The following LPP variants were observed in gnomAD, a reference collection of about 807,000 sequenced individuals.
The protein encoded by LPP is lipoma-preferred partner.
In LPP, 38 loss-of-function variants were observed where a neutral mutation model predicts 60.4. The observed-to-expected ratio is 0.63, with a 90% CI of 0.49 to 0.83. The LOEUF is 0.83. LPP is among the 40% of genes least tolerant of loss of function. The pLI, the probability that LPP is intolerant of heterozygous loss-of-function variation, is 0.00. For synonymous variants in LPP, 328 were observed against 290.8 expected, an observed-to-expected ratio of 1.13 and a Z score of -1.30; for missense variants, 902 against 783.6, an observed-to-expected ratio of 1.15 and a Z score of -1.80.
intron 5 of LPP, among the ~76,000 whole-genome samples, chr3:188,503,200 C>T (rs1484511341): frequency 2.0e-5 from 3 of 151,986 alleles, no homozygotes; most frequent in Non-Finnish European, 4.4e-5. Flanking sequence ...CGTTATAACA[C>T]TCTAATTTGA....
At chr3:188,769,674 G>A (rs1034821739) in intron 9 of LPP, among the ~76,000 whole-genome samples, 6 of 152,120 alleles carry the variant, frequency 3.9e-5, no homozygotes, top group Non-Finnish European at 7.4e-5. Flanking sequence ...ATTTATTAAC[G>A]GCAGAGGTGG....
chr3:188,670,715 A>C (rs903788566), intron 7 of LPP, among the ~76,000 whole-genome samples: 3 of 152,204 alleles, frequency 2.0e-5, no homozygotes, highest in African/African-American at 7.2e-5. Flanking sequence ...CTTTGACCAC[A>C]GGCACATTTG....
intron 9 of LPP, among the ~76,000 whole-genome samples, chr3:188,815,391 A>G (rs1398437634): frequency 1.3e-5 from 2 of 152,200 alleles, no homozygotes; most frequent in Non-Finnish European, 2.9e-5. Flanking sequence ...CAAGGACTGT[A>G]GAGCCAGTTA....
intron 9 of LPP, among the ~76,000 whole-genome samples, chr3:188,791,518 G>T (rs958676864): frequency 6.6e-6 from 1 of 151,834 alleles, no homozygotes; most frequent in African/African-American, 2.4e-5. Context: ...GCAATTAAGT[G>T]ACTGAGATGA....
intron 9 of LPP, among the ~76,000 whole-genome samples, chr3:188,772,221 A>G (rs757381356): frequency 3.3e-5 from 5 of 152,168 alleles, no homozygotes; most frequent in African/African-American, 1.2e-4. Context: ...TCTCCTGGAC[A>G]TTGATATGGA....
chr3:188,366,158 A>T (rs1771099576), intron 3 of LPP, among the ~76,000 whole-genome samples: 1 of 152,248 alleles, frequency 6.6e-6, no homozygotes, highest in South Asian at 2.1e-4. Context: ...TGCCTGGCTT[A>T]GTTCCTTAAG....
chr3:188,511,840 TC>T (rs1282301575), intron 5 of LPP, among the ~76,000 whole-genome samples: 2 of 152,202 alleles, frequency 1.3e-5, no homozygotes, highest in African/African-American at 4.8e-5. Context: ...ATATTTTCCC[TC>T]TTGTTTTCCC....
intron 4 of LPP, among the ~76,000 whole-genome samples, chr3:188,419,285 T>C (rs1013006185): frequency 2.6e-5 from 4 of 152,224 alleles, no homozygotes; most frequent in Admixed American, 1.3e-4. Context: ...GTCTTAGCCC[T>C]TAAACAGTTT....
chr3:188,548,244 C>T (rs761119934), intron 6 of LPP, among the ~76,000 whole-genome samples: 1 of 152,148 alleles, frequency 6.6e-6, no homozygotes, highest in Non-Finnish European at 1.5e-5. Flanking sequence ...AGCAGGCAAG[C>T]TATTTCACTT....
chr3:188,179,038 CAGAGAGAGAG>C (rs10616335), intron 1 of LPP: 29 of 168,676 alleles, frequency 1.7e-4, no homozygotes, highest in African/African-American at 5.0e-4. Flanking sequence ...GGGAGAGAGA[CAGAGAGAGAG>C]AGAGAGAGAG....
chr3:188,682,188 A>T (rs1372236050), intron 7 of LPP, among the ~76,000 whole-genome samples: 1 of 152,102 alleles, frequency 6.6e-6, no homozygotes, highest in African/African-American at 2.4e-5. Flanking sequence ...CTATTTCCTT[A>T]TTCTCTCCTT....
At chr3:188,284,130 G>A (rs998031318) in intron 2 of LPP, among the ~76,000 whole-genome samples, 1 of 151,916 alleles carries the variant, frequency 6.6e-6, no homozygotes, top group Non-Finnish European at 1.5e-5. Context: ...AGTGGCTCAC[G>A]CCTGTAATCC....
chr3:188,333,737 A>G (rs1038530734), intron 2 of LPP, among the ~76,000 whole-genome samples: 1 of 152,078 alleles, frequency 6.6e-6, no homozygotes, highest in Non-Finnish European at 1.5e-5. Context: ...TGCTTTTATT[A>G]TTATTTTAAA....
rs1428945055 is a variant in LPP at position 188,217,834 on chromosome 3, G to T, written c.-189-7571G>T. Among the ~76,000 whole-genome samples the T allele has an allele frequency of 6.6e-6, 1 of 152,204 alleles. No homozygotes were observed. Among genetic ancestry groups the T allele is most frequent in the Non-Finnish European group, 1.5e-5 (1 of 68,032 alleles). On this transcript the variant is annotated intron_variant, in intron 1 of 11. Transcript: ENST00000617246. The surrounding 1 kb of genome is among the most constrained non-coding windows in gnomAD (Gnocchi z 4.0). ...GTTTCTAACCTTGAGCTTTGGGCCAGTGCACAGAGGATGGTGGCTTCCTGC... is the reference window on the plus strand; with the variant it reads ...GTTTCTAACCTTGAGCTTTGGGCCATTGCACAGAGGATGGTGGCTTCCTGC...
intron 5 of LPP, among the ~76,000 whole-genome samples, chr3:188,521,170 C>T (rs1334275765): frequency 6.6e-6 from 1 of 152,118 alleles, no homozygotes; most frequent in Non-Finnish European, 1.5e-5. Flanking sequence ...AGTATTTGCA[C>T]AATCTTCTCC....
chr3:188,760,409 G>GTTGTGTGT (rs1553836224), intron 9 of LPP, 127 bp downstream of exon 9: 1 of 601,656 alleles, frequency 1.7e-6, no homozygotes, highest in East Asian at 2.8e-5. Context: ...GTGTGTGTGG[G>GTTGTGTGT]GTGTGTGTGT....
chr3:188,860,708 T>C (rs866447336), intron 9 of LPP, among the ~76,000 whole-genome samples: 6 of 152,236 alleles, frequency 3.9e-5, no homozygotes, highest in Non-Finnish European at 8.8e-5. Flanking sequence ...TAACTGATAT[T>C]TGTGGAGCAT....
chr3:188,825,057 C>T (rs2151495893), intron 9 of LPP, among the ~76,000 whole-genome samples: 1 of 152,240 alleles, frequency 6.6e-6, no homozygotes, highest in Middle Eastern at 3.4e-3. Context: ...TTTTGGTTAT[C>T]CCAACACATT....
intron 7 of LPP, among the ~76,000 whole-genome samples, chr3:188,679,765 A>C (rs1273764201): frequency 2.0e-5 from 3 of 152,262 alleles, no homozygotes; most frequent in African/African-American, 7.2e-5. Flanking sequence ...AATGCATGGC[A>C]TATTTTTCTT....
Sources: allele counts gnomAD v4.1 joint callset (sites outside exome capture counted in the v4.1 genomes callset), GRCh38; gene constraint gnomAD v4.1.1; non-coding constraint Gnocchi (gnomAD v3.1); transcripts MANE v1.5; gene names NCBI Gene and HGNC (gene_info 2026-07-23, HGNC 2026-07-21).